The following HEMK2 variants were observed in gnomAD, a reference collection of about 807,000 sequenced individuals.
The protein encoded by HEMK2 is HemK methyltransferase 2, ETF1 glutamine and histone H4 lysine, also known as methyltransferase HEMK2.
At chr21:28,730,128 A>T in the HEMK2 span, among the ~76,000 whole-genome samples, 1 of 152,216 alleles carries the variant, frequency 6.6e-6, no homozygotes, top group East Asian at 1.9e-4. Context: ...CTATAATCCC[A>T]GCACTTTGGG....
the HEMK2 span, among the ~76,000 whole-genome samples, chr21:28,868,116 GTTTA>G: frequency 6.6e-6 from 1 of 151,890 alleles, no homozygotes; most frequent in African/African-American, 2.4e-5. Context: ...TTCTGTTTCA[GTTTA>G]TTTATCTTTG....
the HEMK2 span, among the ~76,000 whole-genome samples, chr21:28,701,029 C>G: frequency 6.6e-6 from 1 of 152,028 alleles, no homozygotes; most frequent in Admixed American, 6.6e-5. Flanking sequence ...ATCACATAAA[C>G]AGAACTAAAA....
the HEMK2 span, among the ~76,000 whole-genome samples, chr21:28,619,237 G>A: frequency 4.6e-5 from 7 of 152,252 alleles, no homozygotes; most frequent in African/African-American, 1.7e-4. Context: ...GACGATACAT[G>A]ACTATTGTTA....
At chr21:28,757,683 A>G in the HEMK2 span, among the ~76,000 whole-genome samples, 2 of 152,230 alleles carry the variant, frequency 1.3e-5, no homozygotes, top group Non-Finnish European at 2.9e-5. Flanking sequence ...AGAATTCCCT[A>G]AAGACTGCAG....
the HEMK2 span, among the ~76,000 whole-genome samples, chr21:28,743,595 GAA>G: frequency 0.037 from 5,638 of 152,170 alleles, 363 homozygotes; most frequent in African/African-American, 0.13. Context: ...AGGGAGAATG[GAA>G]GAGAGGAAGG....
chr21:28,663,490 G>C, the HEMK2 span, among the ~76,000 whole-genome samples: 1 of 152,228 alleles, frequency 6.6e-6, no homozygotes, highest in African/African-American at 2.4e-5. Flanking sequence ...GCCATGGTTT[G>C]GGACTTCTGC....
At chr21:28,739,428 G>C in the HEMK2 span, among the ~76,000 whole-genome samples, 1 of 152,186 alleles carries the variant, frequency 6.6e-6, no homozygotes, top group Non-Finnish European at 1.5e-5. Context: ...ATATGGTATA[G>C]ATAAAAATAG....
At chr21:28,869,282 A>G in the HEMK2 span, among the ~76,000 whole-genome samples, 2 of 152,212 alleles carry the variant, frequency 1.3e-5, no homozygotes, top group African/African-American at 4.8e-5. Context: ...AGATTTTTCT[A>G]TTAAACCGTG....
At chr21:28,588,750 C>T in the HEMK2 span, among the ~76,000 whole-genome samples, 1 of 152,008 alleles carries the variant, frequency 6.6e-6, no homozygotes, top group South Asian at 2.1e-4. Flanking sequence ...GAGGTCGGAT[C>T]ACGAGGTCGG....
At chr21:28,801,023 G>A in the HEMK2 span, among the ~76,000 whole-genome samples, 1 of 152,236 alleles carries the variant, frequency 6.6e-6, no homozygotes, top group Non-Finnish European at 1.5e-5. Context: ...GGTCAGGACA[G>A]AGTACCAGGG....
chr21:28,831,688 AAGGAAGGAAG>A, the HEMK2 span, among the ~76,000 whole-genome samples: 1 of 71,568 alleles, frequency 1.4e-5, no homozygotes, highest in Admixed American at 1.4e-4. Flanking sequence ...AGAAAGAAGG[AAGGAAGGAAG>A]GAAGGAAGGA....
chr21:28,871,026 T>C, the HEMK2 span, among the ~76,000 whole-genome samples: 1 of 152,226 alleles, frequency 6.6e-6, no homozygotes, highest in Non-Finnish European at 1.5e-5. Flanking sequence ...CTCCTTGATG[T>C]AGTACTAATT....
the HEMK2 span, among the ~76,000 whole-genome samples, chr21:28,748,106 A>G: frequency 6.6e-6 from 1 of 152,350 alleles, no homozygotes; most frequent in South Asian, 2.1e-4. Context: ...GCTGAGGACT[A>G]CTAGAGTGAG....
chr21:28,678,153 T>A, the HEMK2 span, among the ~76,000 whole-genome samples: 1 of 152,000 alleles, frequency 6.6e-6, no homozygotes, highest in Non-Finnish European at 1.5e-5. Flanking sequence ...TGGAAAAAAA[T>A]TAGACAAATG....
At chr21:28,680,561 A>T in the HEMK2 span, among the ~76,000 whole-genome samples, 1 of 152,220 alleles carries the variant, frequency 6.6e-6, no homozygotes, top group Non-Finnish European at 1.5e-5. Context: ...TGAGGCCAGC[A>T]TCATCCTGAT....
chr21:28,756,270 A>G, the HEMK2 span, among the ~76,000 whole-genome samples: 1 of 152,150 alleles, frequency 6.6e-6, no homozygotes, highest in East Asian at 1.9e-4. Context: ...TGGCTAAACC[A>G]CTTAGTGGTT....
At chr21:28,771,523 C>CT in the HEMK2 span, among the ~76,000 whole-genome samples, 1 of 106,182 alleles carries the variant, frequency 9.4e-6, no homozygotes, top group African/African-American at 3.8e-5. Context: ...GCACCACCCC[C>CT]CCCCGCCAAA....
chr21:28,844,692 C>T, the HEMK2 span, among the ~76,000 whole-genome samples: 40,691 of 151,894 alleles, frequency 0.27, 6,378 homozygotes, highest in African/African-American at 0.43. Flanking sequence ...AGACTAATCC[C>T]TTCCCTAAAT....
At chr21:28,689,476 A>C in the HEMK2 span, among the ~76,000 whole-genome samples, 5 of 152,166 alleles carry the variant, frequency 3.3e-5, no homozygotes, top group Admixed American at 6.5e-5. Context: ...CAAATATCAC[A>C]AGAAGGCACC....
Sources: gnomAD v4.1 joint callset for allele counts (sites outside exome capture counted in the v4.1 genomes callset) on GRCh38, gnomAD v4.1.1 for gene constraint, MANE v1.5 for transcripts, NCBI Gene and HGNC (gene_info 2026-07-23, HGNC 2026-07-21) for gene names.